CXADR: variants seen among roughly 807,000 people sequenced by gnomAD.
CXADR encodes the protein CXADR cell adhesion molecule, also known as coxsackievirus and adenovirus receptor.
A neutral mutation model predicts 40.3 loss-of-function variants in CXADR; 20 were observed. The ratio of observed to expected loss-of-function variants is 0.50; its 90% CI spans 0.35 to 0.72. The LOEUF (loss-of-function observed/expected upper bound fraction) is 0.72, where lower values mean the gene tolerates loss of function less well. Among genes scored for constraint, CXADR ranks in the 30% least tolerant of loss-of-function variants. The pLI is 0.01. For missense variants in CXADR, 332 were observed against 449.1 expected (o/e 0.74, Z 2.36); for synonymous variants, 150 against 161.3 (o/e 0.93, Z 0.53).
intron 1 of CXADR, among the ~76,000 whole-genome samples, chr21:17,535,533 C>T (rs931117273): frequency 3.9e-5 from 6 of 152,048 alleles, no homozygotes; most frequent in Non-Finnish European, 8.8e-5. Context: ...TTCTATGATT[C>T]GAATTCAGCA....
the CXADR span, among the ~76,000 whole-genome samples, chr21:17,635,896 T>C: frequency 6.6e-6 from 1 of 152,228 alleles, no homozygotes; most frequent in Admixed American, 6.5e-5. Context: ...GTCTTAACAA[T>C]ATAGAGTCAT....
At chr21:17,593,326 A>C in exon 8 of CXADR, 1 of 776,138 alleles carries the variant, frequency 1.3e-6, no homozygotes, top group Non-Finnish European at 1.8e-6. Flanking sequence ...CATCTACTTT[A>C]TGCAATGGCA....
At chr21:17,611,040 T>C in the CXADR span, among the ~76,000 whole-genome samples, 1 of 148,358 alleles carries the variant, frequency 6.7e-6, no homozygotes, top group Admixed American at 6.6e-5. Flanking sequence ...TACAGCCAGC[T>C]AGCAGGCACC....
At chr21:17,593,344 T>C in exon 8 of CXADR, 1 of 677,906 alleles carries the variant, frequency 1.5e-6, no homozygotes, top group Non-Finnish European at 2.1e-6. Flanking sequence ...GCATTAGACA[T>C]GTAAGTCAGA....
intron 7 of CXADR, among the ~76,000 whole-genome samples, chr21:17,580,520 G>A (rs2061352809): frequency 6.6e-6 from 1 of 152,110 alleles, no homozygotes; most frequent in Non-Finnish European, 1.5e-5. Context: ...GAAGTAGGAG[G>A]ATCACCTGAG....
At chr21:17,598,489 TG>T, downstream of CXADR, 1 of 744,028 alleles carries the variant, frequency 1.3e-6, no homozygotes, top group South Asian at 2.0e-5. Context: ...TCCCTTAGCA[TG>T]GGGAAAGGCA....
At chr21:17,598,552 G>A (rs1405981291), downstream of CXADR, 1 of 1,373,858 alleles carries the variant, frequency 7.3e-7, no homozygotes, top group Non-Finnish European at 1.0e-6. Context: ...TGCCAAGTAG[G>A]ACTACCTGAA....
At chr21:17,618,295 T>A in the CXADR span, among the ~76,000 whole-genome samples, 2 of 152,216 alleles carry the variant, frequency 1.3e-5, no homozygotes, top group Non-Finnish European at 1.5e-5. Flanking sequence ...CTACCCCATC[T>A]GCAGTTACTT....
chr21:17,527,056 G>C (rs980934325), intron 1 of CXADR: 1 of 152,162 alleles, frequency 6.6e-6, no homozygotes, highest in African/African-American at 2.4e-5. Context: ...TATTTTGCCA[G>C]AGAATTCTGA....
At chr21:17,532,117 G>C (rs1016535214) in intron 1 of CXADR, among the ~76,000 whole-genome samples, 1 of 151,782 alleles carries the variant, frequency 6.6e-6, no homozygotes, top group Admixed American at 6.6e-5. Context: ...TTTTTTTTTA[G>C]AGATGGTGCC....
At chr21:17,590,801 G>C (rs1341022602) in intron 7 of CXADR, among the ~76,000 whole-genome samples, 1 of 152,018 alleles carries the variant, frequency 6.6e-6, no homozygotes, top group African/African-American at 2.4e-5. Flanking sequence ...CATTATGTGT[G>C]ATCTTTCCAT....
chr21:17,592,978 CCATT>C (rs971197836), intron 7 of CXADR, among the ~76,000 whole-genome samples: 8 of 151,740 alleles, frequency 5.3e-5, no homozygotes, highest in Non-Finnish European at 1.0e-4. Context: ...ATAGCCATGG[CCATT>C]CAATGATTTA....
chr21:17,601,142 GAC>G, the CXADR span, among the ~76,000 whole-genome samples: 1 of 150,478 alleles, frequency 6.6e-6, no homozygotes, highest in South Asian at 2.1e-4. Context: ...CAGCCTGGGC[GAC>G]AGAGTGAGAC....
chr21:17,632,880 A>G, the CXADR span, among the ~76,000 whole-genome samples: 1 of 152,040 alleles, frequency 6.6e-6, no homozygotes. Flanking sequence ...AAAATAAAAA[A>G]ATAAAACTCT....
intron 1 of CXADR, among the ~76,000 whole-genome samples, chr21:17,519,427 A>G (rs906951779): frequency 2.0e-5 from 3 of 152,134 alleles, no homozygotes; most frequent in Non-Finnish European, 2.9e-5. Context: ...TGATTATTCC[A>G]CTAGTCATGT....
At chr21:17,531,389 G>T (rs1017961876) in intron 1 of CXADR, among the ~76,000 whole-genome samples, 1 of 151,414 alleles carries the variant, frequency 6.6e-6, no homozygotes, top group Admixed American at 6.6e-5. Flanking sequence ...TGACTATTCT[G>T]GTGGATGTGT....
intron 7 of CXADR, among the ~76,000 whole-genome samples, chr21:17,575,290 ACTC>A (rs1208354972): frequency 6.6e-6 from 1 of 151,346 alleles, no homozygotes; most frequent in African/African-American, 2.4e-5. Flanking sequence ...GCTCAGCAAT[ACTC>A]CTGCCTCAGC....
intron 2 of CXADR, among the ~76,000 whole-genome samples, chr21:17,550,003 CTTT>C (rs1308009291): frequency 9.2e-5 from 14 of 152,172 alleles, no homozygotes; most frequent in Non-Finnish European, 1.9e-4. Context: ...TCAACTACTT[CTTT>C]TATTTACTTA....
chr21:17,593,197 T>G, exon 8 of CXADR: 3 of 1,457,086 alleles, frequency 2.1e-6, no homozygotes, highest in Non-Finnish European at 1.8e-6. Context: ...TGTATAAATA[T>G]GGACTACTGA....
Sources: gnomAD v4.1 joint callset for allele counts (sites outside exome capture counted in the v4.1 genomes callset) on GRCh38, gnomAD v4.1.1 for gene constraint, MANE v1.5 for transcripts, NCBI Gene and HGNC (gene_info 2026-07-23, HGNC 2026-07-21) for gene names.